ELN: variants seen among roughly 807,000 people sequenced by gnomAD.
ELN encodes elastin.
ELN carries 65 observed loss-of-function variants against 105.8 expected under a neutral mutation model. The ratio of observed to expected loss-of-function variants is 0.61; its 90% CI spans 0.50 to 0.75. ELN has a LOEUF of 0.75. Ranked by LOEUF, ELN falls within the 30% of genes least tolerant of loss-of-function variation. The pLI is 0.00. For missense variants in ELN, 882 were observed against 969.4 expected (o/e 0.91, Z 1.20); for synonymous variants, 368 against 389.2 (o/e 0.95, Z 0.64).
intron 1 of ELN, among the ~76,000 whole-genome samples, chr7:74,031,184 G>A (rs1325761878): frequency 1.3e-5 from 2 of 152,172 alleles, no homozygotes; most frequent in African/African-American, 4.8e-5. Context: ...CATGTGACTT[G>A]GGGTCAGCTG....
chr7:74,069,248 G>A lies in ELN; in HGVS notation c.*548G>A, dbSNP rs117454480. The A allele has an allele frequency of 6.8e-3, 1,639 of 241,694 alleles. 8 individuals carry two copies. Among genetic ancestry groups the A allele is most frequent in the Middle Eastern group, 0.016 (13 of 798 alleles). 15.0% of individuals were successfully genotyped at this position (241,694 alleles called of 1,614,324 possible). A position where few individuals can be genotyped will look rare whatever the true frequency, so the allele number is the denominator to read the frequency against. On this transcript the variant is annotated 3_prime_UTR_variant, in exon 33 of 33. Transcript: ENST00000252034. ...TCCACTTGGCCGTCTCCTCCCCACC[G>A]ATCGCTGTTCCCCACATCTGGGGCG...
intron 19 of ELN, among the ~76,000 whole-genome samples, chr7:74,055,856 C>T (rs781998520): frequency 2.6e-4 from 39 of 151,608 alleles, no homozygotes; most frequent in Admixed American, 7.2e-4. Flanking sequence ...GCGTGATCTC[C>T]GCTCACTGCA....
At chr7:74,035,552 A>C (rs1381732607) in intron 2 of ELN, 138 bp downstream of exon 2, 7 of 1,030,990 alleles carry the variant, frequency 6.8e-6, no homozygotes, top group Non-Finnish European at 1.0e-5. Context: ...AAATGCAATT[A>C]ACAAGACATT....
chr7:74,040,835 G>A (rs1360932293), intron 4 of ELN, among the ~76,000 whole-genome samples: 1 of 152,188 alleles, frequency 6.6e-6, no homozygotes, highest in Non-Finnish European at 1.5e-5. Flanking sequence ...GGAGGGGACT[G>A]AGTCAAGAGA....
In ELN at chr7:74,052,615, CAGGA is replaced by C. The variant is rs532589953; in HGVS notation, c.950-526_950-523del. ...GGAAAGAGAGACAGAAAGAGAGAGA[CAGGA>C]AGGAAGGAAGGAAGGAAGGAAAGAA... is the stretch of plus-strand genomic sequence containing the variant. On this transcript the variant is annotated intron_variant, in intron 17 of 32. Coordinates refer to ENST00000252034, the MANE Select transcript of ELN (RefSeq NM_000501.4). 9.8e-3 allele frequency: 1,382 copies of C among 141,234 alleles called. 6 individuals are homozygous for C. Among genetic ancestry groups the C allele is most frequent in the Non-Finnish European group, 0.013 (995 of 74,296 alleles). 8.7% of individuals were successfully genotyped at this position (141,234 alleles called of 1,614,324 possible).
At chr7:74,036,605 T>C (rs782295685) in intron 3 of ELN, 21 bp downstream of exon 3, 10 of 1,614,030 alleles carry the variant, frequency 6.2e-6, no homozygotes, top group Non-Finnish European at 8.5e-6. Context: ...AAACCACACT[T>C]GTTCATCACT....
chr7:74,042,976 C>A lies in ELN; in HGVS notation c.326-8C>A. 6.2e-7 allele frequency: 1 copy of A among 1,614,192 alleles called. No individual in the cohort carries two copies. The highest frequency in any genetic ancestry group is 8.5e-7 in the Non-Finnish European group (1 of 1,180,042). On this transcript the variant is annotated splice_region_variant and splice_polypyrimidine_tract_variant and intron_variant, in intron 6 of 32. Transcript: ENST00000252034. ...TTACGCAATGCCTCACCTGTCCTGG[C>A]TCTGCAGGCGCTGGGCTTGGTGGTG...
intron 21 of ELN, among the ~76,000 whole-genome samples, chr7:74,057,143 C>T (rs1554680570): frequency 6.6e-6 from 1 of 151,984 alleles, no homozygotes; most frequent in Non-Finnish European, 1.5e-5. Context: ...GAGGCTGAGG[C>T]AGGAGAATGG....
In ELN at chr7:74,063,164, C is replaced by G; in HGVS notation, c.1798C>G (p.Pro600Ala). 1 of 1,607,786 alleles carries G rather than the reference C, an allele frequency of 6.2e-7. No individual in the cohort carries two copies. The highest frequency in any genetic ancestry group is 8.5e-7 in the Non-Finnish European group (1 of 1,178,124). ...TCCTCTCCCCGCAGGAGCAGCAGTG[C>G]CTGGGGTCCTTGGAGGGCTCGGGGC... Reference protein sequence around the residue: ...AKAAKYGAAVPGVLGGLGALG... With the variant: ...AKAAKYGAAVAGVLGGLGALG... The change falls in exon 27 of 33, where the codon CCT becomes GCT. Residue 600 changes from proline to alanine, a missense_variant. Pro to Ala is a conservative substitution (Grantham distance 27). Transcript: ENST00000252034. The surrounding 1 kb of genome is among the most constrained non-coding windows in gnomAD (Gnocchi z 4.1).
chr7:74,036,506 C>A (rs782224240), intron 2 of ELN, 49 bp from the exon 3 acceptor site: 11 of 1,612,096 alleles, frequency 6.8e-6, no homozygotes, highest in Non-Finnish European at 8.5e-6. Context: ...AGCGGGCTTG[C>A]CTGGCAGAAG....
intron 29 of ELN, among the ~76,000 whole-genome samples, chr7:74,064,876 C>T (rs1797604191): frequency 1.3e-5 from 2 of 152,180 alleles, no homozygotes; most frequent in South Asian, 2.1e-4. Flanking sequence ...TGTGTCTCCC[C>T]CTGTAAACTA....
chr7:74,048,066 G>A (rs577235380), intron 13 of ELN, 76 bp from the exon 14 acceptor site: 542 of 1,587,426 alleles, frequency 3.4e-4, no homozygotes, highest in Non-Finnish European at 4.4e-4. Context: ...TGGGCCCCGA[G>A]GGCAGAGCAG....
At chr7:74,031,758 A>C (rs538375149) in intron 1 of ELN, among the ~76,000 whole-genome samples, 2 of 152,030 alleles carry the variant, frequency 1.3e-5, no homozygotes, top group Non-Finnish European at 2.9e-5. Flanking sequence ...TCTCTATTTA[A>C]AAAATAAATG....
At position 74,060,500 on chromosome 7, in the gene ELN, A is replaced by G; in HGVS notation, c.1746A>G (p.Ala582=). ...GVGAGVPGFG[A]VPGALAAAKA... is the part of the protein sequence containing the mutation. ...GTGCTGGTGTTCCTGGCTTCGGGGC[A>G]GGTGCAGATGAGGGAGTTAGGCGGA... Residue 582 remains alanine (A), a splice_region_variant and synonymous_variant, in exon 25 of 33, where the codon GCA becomes GCG. Coordinates refer to ENST00000252034, the MANE Select transcript of ELN (RefSeq NM_000501.4). The G allele has an allele frequency of 6.2e-7, 1 of 1,614,192 alleles. No homozygotes were observed. Among genetic ancestry groups the G allele is most frequent in the Non-Finnish European group, 8.5e-7 (1 of 1,180,028 alleles).
intron 6 of ELN, 45 bp from the exon 7 acceptor site, chr7:74,042,939 C>T (rs1791574146): frequency 6.2e-7 from 1 of 1,613,866 alleles, no homozygotes; most frequent in Admixed American, 1.7e-5. Context: ...CCTTCTGCCT[C>T]CCCACTGTTC....
intron 15 of ELN, among the ~76,000 whole-genome samples, chr7:74,049,843 TTCATCCATCCAC>T (rs1196721270): frequency 8.0e-5 from 12 of 150,704 alleles, no homozygotes; most frequent in Non-Finnish European, 1.5e-4. Context: ...CATCCATCCA[TTCATCCATCCAC>T]TCATCCATCC....
At position 74,063,746 on chromosome 7, in the gene ELN, C is replaced by A; in HGVS notation, c.1993+51C>A. The A allele has an allele frequency of 1.2e-5, 19 of 1,609,594 alleles. No individual in the cohort carries two copies. Among genetic ancestry groups the A allele is most frequent in the Non-Finnish European group, 1.4e-5 (17 of 1,176,310 alleles). ...GTGTGTGTGGTGTGTGTATGCGAGA[C>A]AGAGATGGAGACAGAGACAGAGACA... On this transcript the variant is annotated intron_variant, in intron 29 of 32. Coordinates refer to ENST00000252034, the MANE Select transcript of ELN (RefSeq NM_000501.4). The surrounding 1 kb of genome is among the most constrained non-coding windows in gnomAD (Gnocchi z 4.1).
chr7:74,046,830 TCC>T (rs1792667580), intron 12 of ELN, 63 bp downstream of exon 12: 1 of 1,585,496 alleles, frequency 6.3e-7, no homozygotes, highest in Admixed American at 1.7e-5. Flanking sequence ...ACACCTGTAA[TCC>T]CAGCACTTTG....
rs1419002341 is a variant in ELN at position 74,063,918 on chromosome 7, C to CA, written c.1993+224dup. Among the ~76,000 whole-genome samples, 1 of 151,652 alleles carries CA rather than the reference C, an allele frequency of 6.6e-6. No individual in the cohort carries two copies. Among genetic ancestry groups the CA allele is most frequent in the Admixed American group, 6.6e-5 (1 of 15,182 alleles). On this transcript the variant is annotated intron_variant, in intron 29 of 32. Transcript: ENST00000252034. The surrounding 1 kb of genome is among the most constrained non-coding windows in gnomAD (Gnocchi z 4.1). ...AGGAGTTTGAGACCAGCCTGGGTGACATGGCGAAACCTCATCTCTACCAAA... is the reference window on the plus strand; with the variant it reads ...AGGAGTTTGAGACCAGCCTGGGTGACAATGGCGAAACCTCATCTCTACCAAA...
Sources: allele counts gnomAD v4.1 joint callset (sites outside exome capture counted in the v4.1 genomes callset), GRCh38; gene constraint gnomAD v4.1.1; non-coding constraint Gnocchi (gnomAD v3.1); transcripts MANE v1.5; gene names NCBI Gene and HGNC (gene_info 2026-07-23, HGNC 2026-07-21).